Variants in PRDM9 observed in about 807,000 individuals in gnomAD.
PRDM9 encodes PR/SET domain 9.
PRDM9 carries 47 observed loss-of-function variants against 55.6 expected under a neutral mutation model. The ratio of observed to expected loss-of-function variants is 0.85; its 90% CI spans 0.67 to 1.08. The LOEUF is 1.08. Ranked by LOEUF, PRDM9 falls within the 50% of genes least tolerant of loss-of-function variation. The pLI, the probability that PRDM9 is intolerant of heterozygous loss-of-function variation, is 0.00. For missense variants in PRDM9, 867 were observed against 1,040.3 expected (o/e 0.83, Z 2.29); for synonymous variants, 312 against 375.7 (o/e 0.83, Z 1.96).
chr5:23,521,529 G>C (rs1739328275), intron 6 of PRDM9, among the ~76,000 whole-genome samples: 1 of 152,098 alleles, frequency 6.6e-6, no homozygotes, highest in South Asian at 2.1e-4. Context: ...GTAGAGACAG[G>C]GTTTCACCTT....
chr5:23,522,389 G>T lies in PRDM9; in HGVS notation c.594G>T (p.Gln198His). Reference sequence around the variant, plus strand: ...CATACAAAGAGGTCAGCGAGCCGCAGGATGATGATTACCTCTGTAAGTGAC... The same window carrying T: ...CATACAAAGAGGTCAGCGAGCCGCATGATGATGATTACCTCTGTAAGTGAC... ...GHAYKEVSEP[Q>H]DDDYLYCEMC... Residue 198 changes from glutamine (Q) to histidine (H), a missense_variant, in exon 7 of 11, where the codon CAG becomes CAT. Physicochemically the swap from Gln to His is conservative, Grantham distance 24. Coordinates refer to ENST00000296682, the MANE Select transcript of PRDM9 (RefSeq NM_020227.4). 6.2e-7 allele frequency: 1 copy of T among 1,613,924 alleles called. No homozygotes were observed. The highest frequency in any genetic ancestry group is 1.1e-5 in the South Asian group (1 of 91,074).
chr5:23,508,556 C>G (rs760398485), intron 1 of PRDM9, among the ~76,000 whole-genome samples: 1 of 152,100 alleles, frequency 6.6e-6, no homozygotes, highest in African/African-American at 2.4e-5. Flanking sequence ...CATTTTGTCT[C>G]GCTGAAACAG....
chr5:23,517,312 A>G (rs1455434775), intron 4 of PRDM9, among the ~76,000 whole-genome samples: 1 of 152,160 alleles, frequency 6.6e-6, no homozygotes, highest in African/African-American at 2.4e-5. Context: ...GGTATACTTT[A>G]ATAGACAGGA....
At chr5:23,518,277 A>G (rs1417552695) in intron 5 of PRDM9, among the ~76,000 whole-genome samples, 2 of 152,220 alleles carry the variant, frequency 1.3e-5, no homozygotes. Context: ...ATGTTCAGTT[A>G]TATCCCTGGG....
intron 8 of PRDM9, 109 bp from the exon 9 acceptor site, chr5:23,523,182 T>C (rs1247674877): frequency 7.6e-7 from 1 of 1,319,718 alleles, no homozygotes; most frequent in Admixed American, 1.8e-5. Flanking sequence ...TGGTCTCAAT[T>C]GGCAGCTGAA....
intron 2 of PRDM9, 73 bp downstream of exon 2, chr5:23,509,175 G>A (rs1370053203): frequency 6.3e-7 from 1 of 1,579,250 alleles, no homozygotes. Flanking sequence ...CTCCTGGCCT[G>A]TACCCTTGGG....
chr5:23,524,753 A>G (rs1301172982), intron 10 of PRDM9, among the ~76,000 whole-genome samples: 1 of 152,228 alleles, frequency 6.6e-6, no homozygotes, highest in African/African-American at 2.4e-5. Context: ...TACTTCATGC[A>G]CAAAGTATAT....
chr5:23,524,623 C>T lies in PRDM9; in HGVS notation c.1144+96C>T. On this transcript the variant is annotated intron_variant, in intron 10 of 10. Coordinates refer to ENST00000296682, the MANE Select transcript of PRDM9 (RefSeq NM_020227.4). Reference sequence around the variant, plus strand: ...ACTCTTAAGTACAGTAAAATGCCATCTAAAGTCAGTAAGATTTCAAATCAG... The same window carrying T: ...ACTCTTAAGTACAGTAAAATGCCATTTAAAGTCAGTAAGATTTCAAATCAG... 3 of 1,550,232 alleles carry T rather than the reference C, an allele frequency of 1.9e-6. No homozygotes were observed. The South Asian group carries it at 3.4e-5, about 18-fold the overall frequency.
In PRDM9 at chr5:23,522,359, T is replaced by C; in HGVS notation, c.564T>C (p.Gly188=). 6.2e-7 allele frequency: 1 copy of C among 1,613,962 alleles called. No individual in the cohort carries two copies. The highest frequency in any genetic ancestry group is 8.5e-7 in the Non-Finnish European group (1 of 1,179,980). The change falls in exon 7 of 11, where the codon GGT becomes GGC. Residue 188 remains glycine (G), a synonymous_variant. Transcript: ENST00000296682. The part of the protein sequence containing the change: ...RKMYSLRERK[G]HAYKEVSEPQ... Reference sequence around the variant, plus strand: ...TGTATAGCCTGCGAGAAAGAAAGGGTCATGCATACAAAGAGGTCAGCGAGC... The same window carrying C: ...TGTATAGCCTGCGAGAAAGAAAGGGCCATGCATACAAAGAGGTCAGCGAGC...
chr5:23,521,223 C>G (rs1739322091), intron 6 of PRDM9, 44 bp downstream of exon 6: 4 of 1,607,034 alleles, frequency 2.5e-6, no homozygotes, highest in Non-Finnish European at 3.4e-6. Flanking sequence ...TCTATGTCCT[C>G]TAGAAAGGTT....
At position 23,522,437 on chromosome 5, in the gene PRDM9, T is replaced by A. The variant is rs776160224; in HGVS notation, c.610+32T>A. 125 of 1,593,436 alleles carry A rather than the reference T, an allele frequency of 7.8e-5. 1 individual carries two copies. The Admixed American group carries it at 2.1e-3, about 27-fold the overall frequency. On this transcript the variant is annotated intron_variant, in intron 7 of 10. Transcript: ENST00000296682. ...GACACTTTTGGCCACTCACACAGCTTGCTGTTATGTCCTGGTGCAATAATT... is the reference window on the plus strand; with the variant it reads ...GACACTTTTGGCCACTCACACAGCTAGCTGTTATGTCCTGGTGCAATAATT...
In PRDM9 at chr5:23,522,360, C is replaced by A. The variant is rs1261340959; in HGVS notation, c.565C>A (p.His189Asn). ...GTATAGCCTGCGAGAAAGAAAGGGT[C>A]ATGCATACAAAGAGGTCAGCGAGCC... ...KMYSLRERKG[H>N]AYKEVSEPQD... The change falls in exon 7 of 11, where the codon CAT (histidine) becomes AAT (asparagine). Residue 189 changes from histidine to asparagine, a missense_variant. His to Asn is a moderately conservative substitution (Grantham distance 68). Coordinates refer to ENST00000296682, the MANE Select transcript of PRDM9 (RefSeq NM_020227.4). 2 of 1,614,102 alleles carry A rather than the reference C, an allele frequency of 1.2e-6. No individual in the cohort carries two copies. Among genetic ancestry groups the A allele is most frequent in the Admixed American group, 1.7e-5 (1 of 60,024 alleles).
chr5:23,518,430 C>A (rs1291381657), intron 5 of PRDM9, among the ~76,000 whole-genome samples: 1 of 152,180 alleles, frequency 6.6e-6, no homozygotes, highest in African/African-American at 2.4e-5. Context: ...ATTCGTCCAA[C>A]TGACTTTTTA....
chr5:23,523,028 G>A (rs1381667798), intron 8 of PRDM9, 143 bp downstream of exon 8: 31 of 1,452,182 alleles, frequency 2.1e-5, no homozygotes, highest in South Asian at 5.8e-5. Context: ...GCATGAACAC[G>A]GAACTCCTAT....
intron 4 of PRDM9, among the ~76,000 whole-genome samples, chr5:23,511,987 TA>T (rs1739108514): frequency 1.3e-5 from 2 of 151,750 alleles, no homozygotes; most frequent in Admixed American, 6.6e-5. Context: ...TTTTTTTTTT[TA>T]AATTGTGTTT....
At chr5:23,509,148 C>A (rs754142778) in intron 2 of PRDM9, 46 bp downstream of exon 2, 4 of 1,606,978 alleles carry the variant, frequency 2.5e-6, no homozygotes, top group African/African-American at 1.3e-5. Context: ...AGGAGCTGAT[C>A]TCTGGAGTGC....
intron 4 of PRDM9, among the ~76,000 whole-genome samples, chr5:23,514,551 C>T (rs1261073459): frequency 6.6e-6 from 1 of 152,008 alleles, no homozygotes; most frequent in East Asian, 1.9e-4. Flanking sequence ...TGGGTTCAAG[C>T]AATTCTCCTG....
At position 23,521,116 on chromosome 5, in the gene PRDM9, C is replaced by T. The variant is rs769822838; in HGVS notation, c.445C>T (p.Gln149Ter). ...LLNASGSEQA[Q>*]KPVSPSGEAS... is the part of the protein sequence containing the mutation. ...GAATGCAAGTGGCTCAGAGCAGGCT[C>T]AGAAACCAGTGTCCCCTTCTGGAGA... Residue 149 changes from glutamine to a stop codon, truncating the protein, a stop_gained, in exon 6 of 11, where the codon CAG becomes TAG. Coordinates refer to ENST00000296682, the MANE Select transcript of PRDM9 (RefSeq NM_020227.4). LOFTEE classifies it high-confidence loss of function. The T allele has an allele frequency of 6.2e-7, 1 of 1,614,110 alleles. No homozygotes were observed. The highest frequency in any genetic ancestry group is 1.1e-5 in the South Asian group (1 of 91,082).
rs570232345 is a variant in PRDM9 at position 23,521,197 on chromosome 5, C to T, written c.508+18C>T. ...AAAACTGGGTAAGAAAAAATATTTG[C>T]GGGGACTTTAGTCCCTCTATGTCCT... On this transcript the variant is annotated intron_variant, in intron 6 of 10. Transcript: ENST00000296682. The T allele has an allele frequency of 1.5e-5, 24 of 1,611,910 alleles. No individual in the cohort carries two copies. The highest frequency in any genetic ancestry group is 2.7e-5 in the African/African-American group (2 of 74,948).
Sources: allele counts gnomAD v4.1 joint callset (sites outside exome capture counted in the v4.1 genomes callset), GRCh38; gene constraint gnomAD v4.1.1; transcripts MANE v1.5; gene names NCBI Gene and HGNC (gene_info 2026-07-23, HGNC 2026-07-21).